Variants in RANBP17 observed in about 807,000 individuals in gnomAD.
RANBP17 encodes RAN binding protein 17.
RANBP17 carries 158 observed loss-of-function variants against 141.2 expected under a neutral mutation model. The ratio of observed to expected loss-of-function variants is 1.12; its 90% CI spans 0.98 to 1.28. The LOEUF (loss-of-function observed/expected upper bound fraction) is 1.28. Among genes scored for constraint, RANBP17 ranks in the 50% most tolerant of loss-of-function variants. RANBP17 has a pLI of 0.00. For synonymous variants in RANBP17, 430 were observed against 450.0 expected (o/e 0.96, Z 0.56); for missense variants, 1,438 against 1,290.7 (o/e 1.11, Z -1.75).
At chr5:170,875,608 C>A (rs1162179318) in intron 1 of RANBP17, among the ~76,000 whole-genome samples, 2 of 152,138 alleles carry the variant, frequency 1.3e-5, no homozygotes, top group Non-Finnish European at 2.9e-5. Flanking sequence ...GCTATTGATA[C>A]TTGTGTATGC....
At chr5:171,121,226 C>A (rs1490766976) in intron 14 of RANBP17, among the ~76,000 whole-genome samples, 1 of 152,194 alleles carries the variant, frequency 6.6e-6, no homozygotes, top group Non-Finnish European at 1.5e-5. Context: ...TGGGGGTGTG[C>A]TTGCCAGGGG....
chr5:171,196,982 G>A (rs903064384), intron 18 of RANBP17, among the ~76,000 whole-genome samples: 3 of 152,096 alleles, frequency 2.0e-5, no homozygotes, highest in Non-Finnish European at 2.9e-5. Flanking sequence ...TAATTTCAAA[G>A]CATCCATTCT....
At chr5:171,074,024 G>A (rs1010606727) in intron 14 of RANBP17, among the ~76,000 whole-genome samples, 1 of 152,048 alleles carries the variant, frequency 6.6e-6, no homozygotes, top group African/African-American at 2.4e-5. Context: ...CCTTCTGGAG[G>A]TGAGCTTTTC....
intron 9 of RANBP17, among the ~76,000 whole-genome samples, chr5:170,917,336 A>G (rs1243436862): frequency 1.3e-5 from 2 of 152,114 alleles, no homozygotes; most frequent in East Asian, 1.9e-4. Flanking sequence ...AGATTTTAAA[A>G]TTTTTTCTGC....
intron 14 of RANBP17, among the ~76,000 whole-genome samples, chr5:171,007,600 G>A (rs1779737153): frequency 6.6e-6 from 1 of 152,120 alleles, no homozygotes. Context: ...TGGGAACAGA[G>A]ACTAGGGAGG....
At chr5:170,958,322 G>T (rs1448342096) in intron 13 of RANBP17, among the ~76,000 whole-genome samples, 2 of 152,150 alleles carry the variant, frequency 1.3e-5, no homozygotes, top group Admixed American at 6.5e-5. Flanking sequence ...AGGAATGGTG[G>T]TTTGTCTCTC....
intron 25 of RANBP17, among the ~76,000 whole-genome samples, chr5:171,267,133 C>T (rs567248878): frequency 2.0e-5 from 3 of 146,430 alleles, no homozygotes; most frequent in African/African-American, 5.1e-5. Context: ...AGGTCTCAAG[C>T]GATCCTCACA....
At chr5:171,247,667 C>T (rs1398345880) in intron 24 of RANBP17, among the ~76,000 whole-genome samples, 1 of 152,198 alleles carries the variant, frequency 6.6e-6, no homozygotes, top group Non-Finnish European at 1.5e-5. Context: ...CTCTTATGCA[C>T]AGACACCAAG....
intron 14 of RANBP17, among the ~76,000 whole-genome samples, chr5:171,046,869 T>A (rs552517786): frequency 2.0e-5 from 3 of 152,324 alleles, no homozygotes; most frequent in African/African-American, 7.2e-5. Context: ...TATTAGGACA[T>A]TTAAACTCAG....
At chr5:170,997,233 C>T (rs891156657) in intron 14 of RANBP17, among the ~76,000 whole-genome samples, 2 of 152,188 alleles carry the variant, frequency 1.3e-5, no homozygotes, top group African/African-American at 4.8e-5. Context: ...CCATGCAGAA[C>T]TGGGAGTCAA....
intron 1 of RANBP17, among the ~76,000 whole-genome samples, chr5:170,862,602 C>T (rs1766896332): frequency 6.6e-6 from 1 of 152,126 alleles, no homozygotes; most frequent in Non-Finnish European, 1.5e-5. Flanking sequence ...GGGGCTGCGT[C>T]TGGGGGGAGT....
intron 12 of RANBP17, among the ~76,000 whole-genome samples, chr5:170,946,111 C>G (rs1459052273): frequency 1.3e-5 from 2 of 152,056 alleles, no homozygotes; most frequent in Non-Finnish European, 2.9e-5. Flanking sequence ...CAGCTCTGCA[C>G]TTTTAAATAG....
intron 1 of RANBP17, among the ~76,000 whole-genome samples, chr5:170,871,241 G>A (rs573171858): frequency 6.6e-6 from 1 of 152,148 alleles, no homozygotes; most frequent in South Asian, 2.1e-4. Context: ...TAGAGACAGG[G>A]TTTCACTATG....
intron 22 of RANBP17, among the ~76,000 whole-genome samples, chr5:171,239,636 G>A (rs1454764024): frequency 6.6e-6 from 1 of 152,178 alleles, no homozygotes; most frequent in African/African-American, 2.4e-5. Flanking sequence ...CTAGAAACCA[G>A]GCACATTTAG....
chr5:170,944,807 C>T (rs1774617777), intron 12 of RANBP17, among the ~76,000 whole-genome samples: 1 of 152,176 alleles, frequency 6.6e-6, no homozygotes, highest in Non-Finnish European at 1.5e-5. Flanking sequence ...TATCTTTGCA[C>T]AGCATTCTTT....
At chr5:170,968,116 T>C in intron 13 of RANBP17, 126 bp from the exon 14 acceptor site, 1 of 630,402 alleles carries the variant, frequency 1.6e-6, no homozygotes, top group South Asian at 3.0e-5. Flanking sequence ...ATATTTTCTT[T>C]ATATTTTTTT....
intron 24 of RANBP17, among the ~76,000 whole-genome samples, chr5:171,249,909 G>A (rs944502457): frequency 1.3e-5 from 2 of 152,292 alleles, no homozygotes; most frequent in Non-Finnish European, 1.5e-5. Context: ...AGGAAACTCA[G>A]TGATCCCTAG....
chr5:170,875,481 G>A (rs1342900438), intron 1 of RANBP17, among the ~76,000 whole-genome samples: 11 of 152,034 alleles, frequency 7.2e-5, no homozygotes, highest in Non-Finnish European at 1.3e-4. Flanking sequence ...GTCTTTTTAC[G>A]TAGTCCCATA....
At chr5:171,218,832 G>T (rs562042054) in intron 21 of RANBP17, among the ~76,000 whole-genome samples, 3 of 151,908 alleles carry the variant, frequency 2.0e-5, no homozygotes, top group Admixed American at 6.6e-5. Context: ...ACAGCACACC[G>T]ATGGGTCTTG....
Sources: gnomAD v4.1 joint callset for allele counts (sites outside exome capture counted in the v4.1 genomes callset) on GRCh38, gnomAD v4.1.1 for gene constraint, MANE v1.5 for transcripts, NCBI Gene and HGNC (gene_info 2026-07-23, HGNC 2026-07-21) for gene names.